The following KDM4B variants were observed in gnomAD, a reference collection of about 807,000 sequenced individuals.
KDM4B encodes the protein lysine-specific demethylase 4B.
In KDM4B, 32 loss-of-function variants were observed where a neutral mutation model predicts 125.2. The ratio of observed to expected loss-of-function variants is 0.26; its 90% CI spans 0.19 to 0.34. The LOEUF (loss-of-function observed/expected upper bound fraction) is 0.34. KDM4B is among the 10% of genes least tolerant of loss of function. The pLI is 1.00. For synonymous variants in KDM4B, 721 were observed against 677.9 expected, an observed-to-expected ratio of 1.06 and a Z score of -0.99; for missense variants, 1,190 against 1,577.7, an observed-to-expected ratio of 0.75 and a Z score of 4.16.
In KDM4B at chr19:5,153,351, T is replaced by C. The variant is rs573662883; in HGVS notation, c.*1840T>C. On this transcript the variant is annotated 3_prime_UTR_variant, in exon 23 of 23. Coordinates refer to ENST00000159111, the MANE Select transcript of KDM4B (RefSeq NM_015015.3). ...CGGGCGGGTGCCCCTGCTGCCCTTG[T>C]CCCTTGGGGGTCACACCCATCCCCT... The C allele has an allele frequency of 6.6e-6, 1 of 152,256 alleles. No individual in the cohort carries two copies. Among genetic ancestry groups the C allele is most frequent in the Non-Finnish European group, 1.5e-5 (1 of 68,076 alleles). The allele number at this position is 152,256 out of a possible 1,614,324, so 9.4% of individuals were successfully genotyped here.
In KDM4B at chr19:5,114,313, C is replaced by G. The variant is rs1270918189; in HGVS notation, c.1115+3495C>G. 3 of 1,069,140 alleles carry G rather than the reference C, an allele frequency of 2.8e-6. No homozygotes were observed. The South Asian group carries it at 3.9e-5, about 14-fold the overall frequency. The allele number at this position is 1,069,140 out of a possible 1,614,324, so 66.2% of individuals were successfully genotyped here. On this transcript the variant is annotated intron_variant, in intron 10 of 22. Coordinates refer to ENST00000159111, the MANE Select transcript of KDM4B (RefSeq NM_015015.3). This position sits in a 1 kb window ranked among gnomAD's most constrained non-coding sequence, Gnocchi z 5.8. ...TGTGAGCCCGGCTGGGCCCAGGCCTCGTCTCCCCTACCCCTCCGAGCTCGG... is the reference window on the plus strand; with the variant it reads ...TGTGAGCCCGGCTGGGCCCAGGCCTGGTCTCCCCTACCCCTCCGAGCTCGG...
chr19:5,084,104 A>AGGAATGGTGGTG (rs1227208543), intron 9 of KDM4B, among the ~76,000 whole-genome samples: 7 of 151,842 alleles, frequency 4.6e-5, no homozygotes, highest in African/African-American at 1.5e-4. Flanking sequence ...AAAATTATCC[A>AGGAATGGTGGTG]GGCATGGTGG....
intron 5 of KDM4B, 39 bp downstream of exon 5, chr19:5,041,290 C>CTGAGGTGGGCAGATCA: frequency 6.6e-7 from 1 of 1,517,634 alleles, no homozygotes; most frequent in Non-Finnish European, 9.1e-7. Flanking sequence ...GGACCAGCTT[C>CTGAGGTGGGCAGATCA]CTGGTGGGTG....
chr19:5,034,416 G>C lies in KDM4B; in HGVS notation c.141+1385G>C, dbSNP rs59075487. On this transcript the variant is annotated intron_variant, in intron 3 of 22. Transcript: ENST00000159111. ...GAGCCAGAAAGAGCAACCAGACGCC[G>C]TGTGAATGAAAGTGCACGGCCCTGT... is the stretch of plus-strand genomic sequence containing the variant. 3.1e-3 allele frequency among the ~76,000 whole-genome samples: 476 copies of C among 152,336 alleles called. 7 individuals carry two copies. The highest frequency in any genetic ancestry group is 0.011 in the African/African-American group (454 of 41,580).
At chr19:5,130,877 G>C in intron 11 of KDM4B, among the ~76,000 whole-genome samples, 199 bp from the exon 12 acceptor site, 1 of 152,252 alleles carries the variant, frequency 6.6e-6, no homozygotes, top group East Asian at 1.9e-4. Context: ...CCAAGGCCTG[G>C]GGGTGCCTGG....
intron 3 of KDM4B, among the ~76,000 whole-genome samples, chr19:5,038,302 A>G (rs924273590): frequency 6.6e-6 from 1 of 152,156 alleles, no homozygotes; most frequent in Non-Finnish European, 1.5e-5. Context: ...GGCAGTCTAG[A>G]ATCTGGTCTT....
At chr19:5,084,084 TAA>T (rs2038390868) in intron 9 of KDM4B, among the ~76,000 whole-genome samples, 1 of 151,812 alleles carries the variant, frequency 6.6e-6, no homozygotes, top group Admixed American at 6.6e-5. Flanking sequence ...CTGTCTCTAC[TAA>T]AAACACAAAA....
Position 5,018,695 on chromosome 19 carries a change from T to C in KDM4B, c.-26+2356T>C, listed in dbSNP as rs192899774. Among the ~76,000 whole-genome samples the C allele has an allele frequency of 2.6e-5, 4 of 152,308 alleles. No individual in the cohort carries two copies. In the East Asian group the frequency reaches 7.7e-4, roughly 29 times the overall value. ...AGCATCTCATTGTCCCAGAGGAAGC[T>C]CTGTCCCCCTCAGCAGTTGCTCTTC... On this transcript the variant is annotated intron_variant, in intron 2 of 22. Transcript: ENST00000159111.
intron 1 of KDM4B, among the ~76,000 whole-genome samples, chr19:4,977,397 A>G (rs1250702698): frequency 6.6e-6 from 1 of 152,052 alleles, no homozygotes; most frequent in African/African-American, 2.4e-5. Context: ...AGGCGCGACC[A>G]CCGTTGTGTT....
intron 9 of KDM4B, among the ~76,000 whole-genome samples, chr19:5,100,015 C>G (rs1408138875): frequency 6.6e-6 from 1 of 152,242 alleles, no homozygotes; most frequent in African/African-American, 2.4e-5. Flanking sequence ...GTATCGAAGT[C>G]CCTTCGAAGG....
intron 6 of KDM4B, among the ~76,000 whole-genome samples, chr19:5,052,320 A>G (rs919146923): frequency 7.7e-6 from 1 of 130,214 alleles, no homozygotes; most frequent in African/African-American, 2.9e-5. Flanking sequence ...GCATGGGCGC[A>G]TGTGTGCACC....
In KDM4B at chr19:5,138,523, G is replaced by C. The variant is rs565424129; in HGVS notation, c.2550+453G>C. The C allele has an allele frequency of 1.2e-4, 20 of 169,646 alleles. No homozygotes were observed. The South Asian group carries it at 2.6e-3, about 22-fold the overall frequency. The allele number at this position is 169,646 out of a possible 1,614,324, so 10.5% of individuals were successfully genotyped here. A position where few individuals can be genotyped will look rare whatever the true frequency, so the allele number is the denominator to read the frequency against. On this transcript the variant is annotated intron_variant, in intron 18 of 22. Coordinates refer to ENST00000159111, the MANE Select transcript of KDM4B (RefSeq NM_015015.3). ...TAAAAAACACTAGCTGGGCGTGGTGGCACACACCTGTGGTCCCAGCTACTC... is the reference window on the plus strand; with the variant it reads ...TAAAAAACACTAGCTGGGCGTGGTGCCACACACCTGTGGTCCCAGCTACTC...
chr19:5,135,552 G>C lies in KDM4B; in HGVS notation c.2299G>C (p.Val767Leu), dbSNP rs926529939. ...CGCCTGCGGCAAGTGCTGCCTGCAG[G>C]TCCATGCCAGTGAGTGCCACTGTGG... ...LIACGKCCLQVHASCYGIRPE... is the reference protein window; with the variant it reads ...LIACGKCCLQLHASCYGIRPE... Residue 767 changes from valine (V) to leucine (L), a missense_variant, in exon 15 of 23, where the codon GTC becomes CTC. By Grantham distance (32) the Val-to-Leu change is conservative (BLOSUM62 1). Around this residue, in one of 7 missense-constraint regions of KDM4B, gnomAD observed 298 missense variants for 439.7 expected, o/e 0.68. Transcript: ENST00000159111. 6 of 1,595,646 alleles carry C rather than the reference G, an allele frequency of 3.8e-6. No individual in the cohort carries two copies. Among genetic ancestry groups the C allele is most frequent in the Non-Finnish European group, 5.1e-6 (6 of 1,173,196 alleles).
intron 6 of KDM4B, among the ~76,000 whole-genome samples, chr19:5,059,068 C>G (rs952456003): frequency 3.9e-5 from 6 of 152,226 alleles, no homozygotes; most frequent in Non-Finnish European, 8.8e-5. Flanking sequence ...GAGGCTGGCC[C>G]TGACCCAGAG....
intron 9 of KDM4B, among the ~76,000 whole-genome samples, chr19:5,105,615 T>A (rs1163134261): frequency 4.6e-5 from 7 of 152,096 alleles, no homozygotes; most frequent in Non-Finnish European, 1.5e-5. Flanking sequence ...AAAATAAATT[T>A]TTGTGGAGAC....
chr19:4,981,264 C>T (rs1205198395), intron 1 of KDM4B, among the ~76,000 whole-genome samples: 1 of 152,126 alleles, frequency 6.6e-6, no homozygotes, highest in African/African-American at 2.4e-5. Context: ...CCCTGGTGAG[C>T]AGGACCCCTG....
intron 2 of KDM4B, among the ~76,000 whole-genome samples, chr19:5,028,251 A>T (rs907813603): frequency 2.0e-5 from 3 of 152,182 alleles, no homozygotes; most frequent in African/African-American, 7.2e-5. Flanking sequence ...TTCTGGGATT[A>T]CAGGTGCGAG....
chr19:5,093,384 C>T (rs910274501), intron 9 of KDM4B, among the ~76,000 whole-genome samples: 12 of 152,148 alleles, frequency 7.9e-5, no homozygotes, highest in African/African-American at 2.4e-4. Context: ...CCTGGCTGGC[C>T]GGGAGGGGCA....
intron 2 of KDM4B, among the ~76,000 whole-genome samples, chr19:5,019,527 C>T (rs1476212738): frequency 2.3e-5 from 2 of 87,038 alleles, no homozygotes; most frequent in Admixed American, 2.6e-4. Flanking sequence ...TTGGTGTGCA[C>T]GTATTGGTGT....
Sources: allele counts gnomAD v4.1 joint callset (sites outside exome capture counted in the v4.1 genomes callset), GRCh38; gene constraint gnomAD v4.1.1; regional missense constraint gnomAD v4.1.1; non-coding constraint Gnocchi (gnomAD v3.1); transcripts MANE v1.5; gene names NCBI Gene and HGNC (gene_info 2026-07-23, HGNC 2026-07-21).